The following GAS7 variants were observed in gnomAD, a reference collection of about 807,000 sequenced individuals.
GAS7 encodes growth arrest specific 7.
In GAS7, 28 loss-of-function variants were observed where a neutral mutation model predicts 71.1. The observed-to-expected ratio is 0.39, with a 90% CI of 0.29 to 0.54. GAS7 has a LOEUF of 0.54. Ranked by LOEUF, GAS7 falls within the 20% of genes least tolerant of loss-of-function variation. The probability of loss-of-function intolerance (pLI) is 0.62; values close to 1 mark genes in which losing one functional copy is unlikely to be tolerated. For synonymous variants in GAS7, 258 were observed against 245.8 expected (o/e 1.05, Z -0.46); for missense variants, 436 against 627.8 (o/e 0.69, Z 3.27).
intron 1 of GAS7, among the ~76,000 whole-genome samples, chr17:10,047,936 C>A (rs916456738): frequency 6.6e-6 from 1 of 152,116 alleles, no homozygotes; most frequent in Non-Finnish European, 1.5e-5. Context: ...ATAGGTTAAA[C>A]TTAATAACCA....
chr17:9,945,296 C>A (rs1433523762), intron 6 of GAS7, among the ~76,000 whole-genome samples: 2 of 151,918 alleles, frequency 1.3e-5, no homozygotes, highest in Non-Finnish European at 2.9e-5. Context: ...CCCACCTGCA[C>A]AATGCCTATG....
At chr17:10,035,423 C>T (rs1020533552) in intron 1 of GAS7, among the ~76,000 whole-genome samples, 11 of 152,144 alleles carry the variant, frequency 7.2e-5, no homozygotes, top group Non-Finnish European at 1.3e-4. Flanking sequence ...TTCAGATGCA[C>T]GTTAACCTTT....
intron 2 of GAS7, among the ~76,000 whole-genome samples, chr17:10,017,276 C>G (rs1364947095): frequency 1.3e-5 from 2 of 151,840 alleles, no homozygotes; most frequent in East Asian, 1.9e-4. Flanking sequence ...CTGGTCAAAC[C>G]AACTATCATA....
chr17:10,057,555 C>A (rs1438546423), intron 1 of GAS7, among the ~76,000 whole-genome samples: 1 of 148,708 alleles, frequency 6.7e-6, no homozygotes, highest in African/African-American at 2.5e-5. Flanking sequence ...CATCTCCACC[C>A]GGCAGCCGCC....
At chr17:10,045,827 T>C (rs1163388177) in intron 1 of GAS7, among the ~76,000 whole-genome samples, 1 of 152,224 alleles carries the variant, frequency 6.6e-6, no homozygotes, top group African/African-American at 2.4e-5. Flanking sequence ...TATCCCACTG[T>C]GACACCTTGT....
intron 1 of GAS7, among the ~76,000 whole-genome samples, chr17:10,135,495 T>C (rs2074031042): frequency 6.6e-6 from 1 of 152,194 alleles, no homozygotes; most frequent in Non-Finnish European, 1.5e-5. Context: ...GCCCGAGAGA[T>C]TTCTCTTCGA....
chr17:9,939,153 G>A (rs544904822), intron 8 of GAS7, among the ~76,000 whole-genome samples: 1 of 152,286 alleles, frequency 6.6e-6, no homozygotes, highest in Admixed American at 6.5e-5. Flanking sequence ...TTGGGTATAA[G>A]CCTAGGAATG....
At chr17:10,145,253 T>G (rs1304733004) in intron 1 of GAS7, among the ~76,000 whole-genome samples, 1 of 152,132 alleles carries the variant, frequency 6.6e-6, no homozygotes, top group Non-Finnish European at 1.5e-5. Context: ...AATGCTCAAG[T>G]GCACATCAAA....
intron 1 of GAS7, among the ~76,000 whole-genome samples, chr17:10,028,303 G>C (rs2072522889): frequency 6.6e-6 from 1 of 152,062 alleles, no homozygotes. Context: ...GGGCCCAGGA[G>C]TTAGAGACTG....
intron 5 of GAS7, among the ~76,000 whole-genome samples, chr17:9,956,444 G>A (rs1283067820): frequency 6.6e-6 from 1 of 152,146 alleles, no homozygotes; most frequent in East Asian, 1.9e-4. Context: ...CTCTTTCCAG[G>A]TGAGAGTGTG....
chr17:10,053,166 A>T (rs1169929799), intron 1 of GAS7, among the ~76,000 whole-genome samples: 1 of 152,152 alleles, frequency 6.6e-6, no homozygotes, highest in African/African-American at 2.4e-5. Flanking sequence ...TTACCCTAGG[A>T]GGAGTCTGGG....
intron 1 of GAS7, among the ~76,000 whole-genome samples, chr17:10,126,086 G>A (rs946393902): frequency 3.9e-5 from 6 of 152,248 alleles, no homozygotes; most frequent in Admixed American, 6.5e-5. Context: ...AGCAGGGGTC[G>A]GGGGTGGTGG....
intron 1 of GAS7, chr17:10,059,654 C>A (rs913545584): frequency 1.0e-6 from 1 of 980,200 alleles, no homozygotes; most frequent in Admixed American, 6.2e-5. Flanking sequence ...CGAGCATCTG[C>A]ATCAAAGATA....
intron 2 of GAS7, among the ~76,000 whole-genome samples, chr17:10,002,021 C>T (rs141454351): frequency 6.6e-6 from 1 of 152,152 alleles, no homozygotes; most frequent in South Asian, 2.1e-4. Flanking sequence ...AGCATCCTAG[C>T]GGACACGATA....
chr17:10,126,016 G>A (rs780402555), intron 1 of GAS7, among the ~76,000 whole-genome samples: 6 of 152,190 alleles, frequency 3.9e-5, no homozygotes, highest in Non-Finnish European at 5.9e-5. Flanking sequence ...TATGAAGCCT[G>A]CGCTGATGTG....
chr17:9,945,078 T>C (rs1363244910), intron 6 of GAS7, among the ~76,000 whole-genome samples: 5 of 152,076 alleles, frequency 3.3e-5, no homozygotes, highest in African/African-American at 4.8e-5. Flanking sequence ...CAGACATTCC[T>C]ACCAGCTTTC....
intron 8 of GAS7, 151 bp downstream of exon 8, chr17:9,939,975 T>C: frequency 1.5e-6 from 1 of 688,890 alleles, no homozygotes. Context: ...CATGAGCACC[T>C]ACCTGAGCCA....
At chr17:10,070,187 C>G (rs1464547067) in intron 1 of GAS7, among the ~76,000 whole-genome samples, 1 of 151,958 alleles carries the variant, frequency 6.6e-6, no homozygotes, top group African/African-American at 2.4e-5. Context: ...CTCCTCTATC[C>G]CCAGTCTTGA....
intron 1 of GAS7, 90 bp downstream of exon 1, chr17:10,198,118 C>G (rs2074554308): frequency 7.7e-7 from 1 of 1,292,882 alleles, no homozygotes; most frequent in Non-Finnish European, 1.1e-6. Flanking sequence ...CCGACCGGGA[C>G]GCTGCGGCAT....
Sources: allele counts gnomAD v4.1 joint callset (sites outside exome capture counted in the v4.1 genomes callset), GRCh38; gene constraint gnomAD v4.1.1; transcripts MANE v1.5; gene names NCBI Gene and HGNC (gene_info 2026-07-23, HGNC 2026-07-21).